GRAMD4: variants seen among roughly 807,000 people sequenced by gnomAD.
GRAMD4 encodes the protein GRAM domain-containing protein 4.
GRAMD4 carries 25 observed loss-of-function variants against 83.9 expected under a neutral mutation model. The observed-to-expected ratio is 0.30, with a 90% CI of 0.22 to 0.42. The LOEUF (loss-of-function observed/expected upper bound fraction) is 0.42. Among genes scored for constraint, GRAMD4 ranks in the 10% least tolerant of loss-of-function variants. The pLI is 1.00. For synonymous variants in GRAMD4, 336 were observed against 320.9 expected, an observed-to-expected ratio of 1.05 and a Z score of -0.50; for missense variants, 593 against 788.7, an observed-to-expected ratio of 0.75 and a Z score of 2.97.
intron 3 of GRAMD4, among the ~76,000 whole-genome samples, chr22:46,646,277 A>T (rs1368839253): frequency 6.6e-6 from 1 of 152,126 alleles, no homozygotes; most frequent in East Asian, 1.9e-4. Context: ...ACTTGGAGAG[A>T]GACTGCCTTT....
intron 3 of GRAMD4, among the ~76,000 whole-genome samples, chr22:46,650,374 G>GGA (rs747950777): frequency 7.8e-6 from 1 of 128,026 alleles, no homozygotes. Flanking sequence ...GAGGCTGGGT[G>GGA]GAGGGCTGGG....
intron 1 of GRAMD4, among the ~76,000 whole-genome samples, chr22:46,587,439 C>T (rs932784859): frequency 3.9e-5 from 6 of 152,036 alleles, no homozygotes; most frequent in South Asian, 2.1e-4. Context: ...AGGCGGAGGC[C>T]GTTTGGGGTC....
chr22:46,609,115 C>A (rs1395369613), intron 1 of GRAMD4, among the ~76,000 whole-genome samples: 5 of 137,056 alleles, frequency 3.6e-5, no homozygotes, highest in Admixed American at 7.0e-5. Flanking sequence ...AAAAAAAAAA[C>A]AACAACAACC....
chr22:46,656,014 A>G (rs2082238999), intron 3 of GRAMD4, among the ~76,000 whole-genome samples: 1 of 152,002 alleles, frequency 6.6e-6, no homozygotes, highest in Admixed American at 6.5e-5. Flanking sequence ...AACCAGCCTG[A>G]TGAGACTGGG....
chr22:46,589,704 G>C (rs1293621178), intron 1 of GRAMD4, among the ~76,000 whole-genome samples: 6 of 152,084 alleles, frequency 3.9e-5, no homozygotes, highest in Admixed American at 1.3e-4. Flanking sequence ...TAAGTATTTT[G>C]GAAGATCACT....
rs933969037 is a variant in GRAMD4 at position 46,678,634 on chromosome 22, G to GT, written c.*1389dup. ...TCCCTTGGGTGTCGTTGAGATTGTTGTTTTTTGAAGAAACAGAAGATTCTA... is the reference window on the plus strand; with the variant it reads ...TCCCTTGGGTGTCGTTGAGATTGTTGTTTTTTTGAAGAAACAGAAGATTCTA... On this transcript the variant is annotated 3_prime_UTR_variant, in exon 19 of 19. Coordinates refer to ENST00000406902, the MANE Select transcript of GRAMD4 (RefSeq NM_015124.5). 3.5e-5 allele frequency: 34 copies of GT among 985,408 alleles called. No homozygotes were observed. Among genetic ancestry groups the GT allele is most frequent in the Non-Finnish European group, 3.6e-5 (30 of 829,918 alleles). The allele number at this position is 985,408 out of a possible 1,614,324, so 61.0% of individuals were successfully genotyped here.
At chr22:46,642,805 A>G (rs1440229722) in intron 3 of GRAMD4, among the ~76,000 whole-genome samples, 1 of 152,232 alleles carries the variant, frequency 6.6e-6, no homozygotes, top group Non-Finnish European at 1.5e-5. Context: ...CAAAAATAAT[A>G]CAAAGAATTC....
chr22:46,595,649 C>G (rs1014321655), intron 1 of GRAMD4, among the ~76,000 whole-genome samples: 1 of 152,234 alleles, frequency 6.6e-6, no homozygotes, highest in Non-Finnish European at 1.5e-5. Context: ...CGTCACCCCT[C>G]CCACCCAGCC....
intron 3 of GRAMD4, among the ~76,000 whole-genome samples, chr22:46,642,736 C>G (rs1030714055): frequency 6.6e-6 from 1 of 152,124 alleles, no homozygotes; most frequent in African/African-American, 2.4e-5. Context: ...CCTTAGATTT[C>G]TAGAGATGGC....
intron 14 of GRAMD4, 52 bp downstream of exon 14, chr22:46,673,049 G>A (rs764861133): frequency 3.2e-5 from 46 of 1,456,266 alleles, no homozygotes; most frequent in Admixed American, 2.4e-4. Context: ...CCACGAAGCC[G>A]GGCATCCCCA....
chr22:46,674,609 C>A, intron 15 of GRAMD4, 48 bp from the exon 16 acceptor site: 2 of 1,279,258 alleles, frequency 1.6e-6, no homozygotes, highest in Non-Finnish European at 2.3e-6. Flanking sequence ...AGGTCAGAGG[C>A]TGGGTACTTC....
intron 2 of GRAMD4, among the ~76,000 whole-genome samples, chr22:46,637,492 G>T (rs999070340): frequency 4.6e-5 from 7 of 152,134 alleles, no homozygotes; most frequent in Non-Finnish European, 1.0e-4. Context: ...ACCTGCCTCG[G>T]CCTCCCAAAG....
At chr22:46,584,508 C>G (rs1053558612) in intron 1 of GRAMD4, among the ~76,000 whole-genome samples, 11 of 152,172 alleles carry the variant, frequency 7.2e-5, no homozygotes, top group African/African-American at 2.7e-4. Flanking sequence ...CGTGTCTATT[C>G]AAGCAGCAGG....
intron 16 of GRAMD4, 49 bp from the exon 17 acceptor site, chr22:46,675,419 G>T: frequency 3.1e-6 from 4 of 1,305,046 alleles, no homozygotes; most frequent in Non-Finnish European, 4.5e-6. Flanking sequence ...TGGTGGGAGC[G>T]TGCTCTGGTT....
intron 1 of GRAMD4, among the ~76,000 whole-genome samples, chr22:46,597,987 T>C (rs2081278683): frequency 6.6e-6 from 1 of 151,740 alleles, no homozygotes; most frequent in East Asian, 1.9e-4. Flanking sequence ...GCCTTTTGTT[T>C]TGTTTTGTTT....
intron 2 of GRAMD4, among the ~76,000 whole-genome samples, chr22:46,634,342 A>G (rs1439730802): frequency 2.0e-5 from 3 of 152,184 alleles, no homozygotes; most frequent in East Asian, 1.9e-4. Flanking sequence ...AAATGGAGAG[A>G]AACTTCTGGA....
At chr22:46,642,200 C>G (rs990718282) in intron 3 of GRAMD4, among the ~76,000 whole-genome samples, 2 of 152,248 alleles carry the variant, frequency 1.3e-5, no homozygotes, top group South Asian at 2.1e-4. Context: ...CCAGATATCC[C>G]AGGCTCATCG....
At chr22:46,644,599 T>C (rs1002216235) in intron 3 of GRAMD4, among the ~76,000 whole-genome samples, 2 of 152,100 alleles carry the variant, frequency 1.3e-5, no homozygotes. Flanking sequence ...GGGTTACATC[T>C]GTCCCTGTTC....
At chr22:46,681,330 A>T (rs1039082102), downstream of GRAMD4, among the ~76,000 whole-genome samples, 2 of 152,308 alleles carry the variant, frequency 1.3e-5, no homozygotes, top group South Asian at 2.1e-4. Flanking sequence ...TAAACCAACA[A>T]CTTGCCTGTT....
Sources: gnomAD v4.1 joint callset for allele counts (sites outside exome capture counted in the v4.1 genomes callset) on GRCh38, gnomAD v4.1.1 for gene constraint, MANE v1.5 for transcripts, NCBI Gene and HGNC (gene_info 2026-07-23, HGNC 2026-07-21) for gene names.